Variants in KCNMA1 observed in about 807,000 individuals in gnomAD.
KCNMA1 encodes Calcium-activated potassium channel subunit alpha-1.
KCNMA1 carries 29 observed loss-of-function variants against 140.0 expected under a neutral mutation model. That is an observed-to-expected ratio of 0.21 (90% confidence interval 0.15 to 0.28). The LOEUF (loss-of-function observed/expected upper bound fraction) is 0.28. Ranked by LOEUF, KCNMA1 falls within the 10% of genes least tolerant of loss-of-function variation. The probability of loss-of-function intolerance (pLI) is 1.00; values close to 1 mark genes in which losing one functional copy is unlikely to be tolerated. For synonymous variants in KCNMA1, 612 were observed against 611.9 expected, an observed-to-expected ratio of 1.00 and a Z score of 0.00; for missense variants, 880 against 1,602.2, an observed-to-expected ratio of 0.55 and a Z score of 7.70.
chr10:76,958,837 G>A (rs189965230), intron 20 of KCNMA1, among the ~76,000 whole-genome samples: 240 of 152,256 alleles, frequency 1.6e-3, no homozygotes, highest in Non-Finnish European at 3.0e-3. Context: ...TTAAGACACT[G>A]GGTCTGTGAT....
intron 26 of KCNMA1, 26 bp downstream of exon 26, chr10:76,891,499 A>G: frequency 1.3e-6 from 2 of 1,593,280 alleles, no homozygotes; most frequent in Non-Finnish European, 8.6e-7. Context: ...CAGCAAGCTC[A>G]GGTGACCTCG....
At chr10:77,249,326 G>GAA (rs1335628626) in intron 3 of KCNMA1, 2 of 152,086 alleles carry the variant, frequency 1.3e-5, no homozygotes, top group African/African-American at 4.8e-5. Context: ...GTGCATTGGG[G>GAA]AATTTCATTC....
At chr10:77,510,628 A>AG (rs1345778584) in intron 1 of KCNMA1, among the ~76,000 whole-genome samples, 32 of 137,328 alleles carry the variant, frequency 2.3e-4, no homozygotes, top group African/African-American at 8.5e-4. Context: ...CCCTGTCTCT[A>AG]CAAAAAAAAA....
At chr10:77,453,064 T>A (rs957164033) in intron 1 of KCNMA1, among the ~76,000 whole-genome samples, 1 of 152,170 alleles carries the variant, frequency 6.6e-6, no homozygotes, top group Non-Finnish European at 1.5e-5. Context: ...TTAACACTCA[T>A]TATCATGCAC....
At position 77,416,245 on chromosome 10, in the gene KCNMA1, T is replaced by A. The variant is rs1603514867; in HGVS notation, c.379-12222A>T. ...GAGGCAGCCTTGGGGCCAGGAAAGG[T>A]AGGGTCTGAGGGATGGAGGCATGGT... On this transcript the variant is annotated intron_variant, in intron 1 of 27. Transcript: ENST00000286628. Among the ~76,000 whole-genome samples, 5 of 151,796 alleles carry A rather than the reference T, an allele frequency of 3.3e-5. 1 individual carries two copies. The South Asian group carries it at 1.0e-3, about 32-fold the overall frequency.
At chr10:77,477,087 T>C (rs1406931024) in intron 1 of KCNMA1, among the ~76,000 whole-genome samples, 1 of 152,224 alleles carries the variant, frequency 6.6e-6, no homozygotes, top group Non-Finnish European at 1.5e-5. Context: ...CTGCATGACT[T>C]GCCTCCTGCC....
At chr10:77,087,736 A>G (rs2096725775) in intron 10 of KCNMA1, among the ~76,000 whole-genome samples, 1 of 152,220 alleles carries the variant, frequency 6.6e-6, no homozygotes, top group Non-Finnish European at 1.5e-5. Flanking sequence ...GCAGAGATGA[A>G]AAAGACTGTC....
chr10:77,453,826 C>T (rs2097708362), intron 1 of KCNMA1, among the ~76,000 whole-genome samples: 2 of 152,058 alleles, frequency 1.3e-5, no homozygotes, highest in Non-Finnish European at 2.9e-5. Flanking sequence ...AGAGAAACAC[C>T]CTAAAGGAGC....
At chr10:77,377,743 G>A (rs2095218200) in intron 2 of KCNMA1, among the ~76,000 whole-genome samples, 1 of 152,160 alleles carries the variant, frequency 6.6e-6, no homozygotes, top group Non-Finnish European at 1.5e-5. Context: ...GGAGATCCTG[G>A]GAAGTAGAGG....
At chr10:77,599,962 G>A (rs986832941) in intron 1 of KCNMA1, among the ~76,000 whole-genome samples, 2 of 152,112 alleles carry the variant, frequency 1.3e-5, no homozygotes, top group Admixed American at 6.5e-5. Flanking sequence ...TCCTTAAAAT[G>A]CCACAGACTT....
At position 77,083,847 on chromosome 10, in the gene KCNMA1, C is replaced by CG. The variant is rs902928202; in HGVS notation, c.1523+789dup. On this transcript the variant is annotated intron_variant, in intron 12 of 27. Coordinates refer to ENST00000286628, the MANE Select transcript of KCNMA1 (RefSeq NM_001161352.2). ...GAGACTCTGTCTCTATGAAAAAAAA[C>CG]GGGGGGGGGTTGGGGGAGGTGGGAG... 5.3e-3 allele frequency among the ~76,000 whole-genome samples: 648 copies of CG among 122,188 alleles called. 6 individuals carry two copies. Among genetic ancestry groups the CG allele is most frequent in the African/African-American group, 0.015 (468 of 31,512 alleles). The allele number at this position is 122,188 out of a possible 152,430, so 80.2% of individuals were successfully genotyped here.
intron 3 of KCNMA1, among the ~76,000 whole-genome samples, chr10:77,199,627 A>G (rs1184455817): frequency 6.6e-6 from 1 of 152,196 alleles, no homozygotes; most frequent in Admixed American, 6.5e-5. Flanking sequence ...ATAAGTAAGA[A>G]GCAAAGGACT....
In KCNMA1 at chr10:77,160,974, C is replaced by A. The variant is rs184978360; in HGVS notation, c.808+22447G>T. 9.8e-5 allele frequency among the ~76,000 whole-genome samples: 15 copies of A among 152,324 alleles called. No homozygotes were observed. The East Asian group carries it at 2.3e-3, about 24-fold the overall frequency. ...ATACACACAGACAGCTGACACCATG[C>A]TCTTGACTTACGAGCCTATTTTTCT... On this transcript the variant is annotated intron_variant, in intron 5 of 27. Coordinates refer to ENST00000286628, the MANE Select transcript of KCNMA1 (RefSeq NM_001161352.2).
chr10:76,910,331 T>TCCACGGCAGGCCACTGGAGGA, intron 24 of KCNMA1: 1 of 497,778 alleles, frequency 2.0e-6, no homozygotes, highest in Admixed American at 2.8e-5. Context: ...GCAGGCTTGC[T>TCCACGGCAGGCCACTGGAGGA]CCACGGCAGG....
intron 5 of KCNMA1, among the ~76,000 whole-genome samples, chr10:77,146,050 T>A (rs538417905): frequency 1.2e-3 from 181 of 152,358 alleles, no homozygotes; most frequent in Non-Finnish European, 2.4e-3. Context: ...AGGAGCCAGA[T>A]ACTGGGCTAA....
chr10:77,016,049 A>G (rs1330221237), intron 17 of KCNMA1, among the ~76,000 whole-genome samples: 3 of 152,166 alleles, frequency 2.0e-5, no homozygotes, highest in African/African-American at 7.2e-5. Context: ...CTTTCTATAA[A>G]GTGCTTTAGG....
chr10:76,937,726 A>G (rs1164476124), intron 23 of KCNMA1, among the ~76,000 whole-genome samples: 1 of 152,180 alleles, frequency 6.6e-6, no homozygotes, highest in East Asian at 1.9e-4. Context: ...TATGCCCCCA[A>G]TTAATGCTAT....
chr10:77,300,775 C>A (rs1030346648), intron 2 of KCNMA1, among the ~76,000 whole-genome samples: 1 of 152,150 alleles, frequency 6.6e-6, no homozygotes, highest in Non-Finnish European at 1.5e-5. Context: ...AGGTGCCTAC[C>A]AAGCCACCAT....
chr10:77,172,046 G>A (rs1400489991), intron 5 of KCNMA1, among the ~76,000 whole-genome samples: 1 of 152,164 alleles, frequency 6.6e-6, no homozygotes, highest in African/African-American at 2.4e-5. Context: ...GTGTTCAGCT[G>A]AATAATGCAG....
Sources: gnomAD v4.1 joint callset for allele counts (sites outside exome capture counted in the v4.1 genomes callset) on GRCh38, gnomAD v4.1.1 for gene constraint, MANE v1.5 for transcripts, NCBI Gene and HGNC (gene_info 2026-07-23, HGNC 2026-07-21) for gene names.